The following FCSK variants were observed in gnomAD, a reference collection of about 807,000 sequenced individuals.
FCSK encodes the protein fucose kinase.
In FCSK, 123 loss-of-function variants were observed where a neutral mutation model predicts 122.5. The observed-to-expected ratio is 1.00, with a 90% confidence interval of 0.87 to 1.17. The LOEUF is 1.17. Among genes scored for constraint, FCSK ranks in the 50% most tolerant of loss-of-function variants. The probability of loss-of-function intolerance (pLI) is 0.00; values close to 1 mark genes in which losing one functional copy is unlikely to be tolerated. For missense variants in FCSK, 1,366 were observed against 1,450.4 expected, an observed-to-expected ratio of 0.94 and a Z score of 0.95; for synonymous variants, 620 against 625.5, an observed-to-expected ratio of 0.99 and a Z score of 0.13.
Position 70,478,592 on chromosome 16 carries a change from G to A in FCSK, c.2871G>A (p.Val957=). 2.5e-6 allele frequency: 4 copies of A among 1,613,764 alleles called. No individual in the cohort carries two copies. Among genetic ancestry groups the A allele is most frequent in the Non-Finnish European group, 2.5e-6 (3 of 1,180,012 alleles). ...GGTATGCCCGACTTCCTGCTGTGGT[G>A]CAGAATGCCCACAGCCTGGTACGGC... is the stretch of plus-strand genomic sequence containing the variant. ...RSWYARLPAV[V]QNAHSLVRQT... The change falls in exon 22 of 24, where the codon GTG becomes GTA. Residue 957 remains valine, a synonymous_variant. Coordinates refer to ENST00000288078, the MANE Select transcript of FCSK (RefSeq NM_145059.3).
intron 1 of FCSK, among the ~76,000 whole-genome samples, chr16:70,462,565 A>T (rs1390975596): frequency 6.6e-6 from 1 of 152,072 alleles, no homozygotes; most frequent in African/African-American, 2.4e-5. Flanking sequence ...ACCTCAGGTG[A>T]TCTGTCCACC....
chr16:70,463,273 G>A lies in FCSK; in HGVS notation c.82+1G>A. On this transcript the variant is annotated splice_donor_variant, in intron 2 of 23. Coordinates refer to ENST00000288078, the MANE Select transcript of FCSK (RefSeq NM_145059.3). LOFTEE classifies it high-confidence loss of function. ...GACAGTGTCCAGGTCTTTCAGAGAGGTAGGGGACTCCCCTTCCCACCTTGC... is the reference window on the plus strand; with the variant it reads ...GACAGTGTCCAGGTCTTTCAGAGAGATAGGGGACTCCCCTTCCCACCTTGC... 1 of 1,612,358 alleles carries A rather than the reference G, an allele frequency of 6.2e-7. No homozygotes were observed. Among genetic ancestry groups the A allele is most frequent in the Admixed American group, 1.7e-5 (1 of 59,924 alleles).
rs748424264 is a variant in FCSK, at chr16:70,479,599, C to T, written c.3174C>T (p.Ile1058=). 1 of 1,614,050 alleles carries T rather than the reference C, an allele frequency of 6.2e-7. No homozygotes were observed. The highest frequency in any genetic ancestry group is 8.5e-7 in the Non-Finnish European group (1 of 1,179,940). ...TCCAGGGCCTTGGGAATTACAGCAT[C>T]CACCTGGTTGAAGTGGACACTCAGG... ...AKTEGLGNYS[I]HLVEVDTQGL... The change falls in exon 24 of 24, where the codon ATC becomes ATT. Residue 1058 remains isoleucine (I), a synonymous_variant. Coordinates refer to ENST00000288078, the MANE Select transcript of FCSK (RefSeq NM_145059.3).
chr16:70,463,009 C>T lies in FCSK; in HGVS notation c.-22-160C>T, dbSNP rs140728282. 1.4e-4 allele frequency among the ~76,000 whole-genome samples: 22 copies of T among 152,158 alleles called. No individual in the cohort carries two copies. In the Middle Eastern group the frequency reaches 0.01, roughly 71 times the overall value. On this transcript the variant is annotated intron_variant, in intron 1 of 23. Coordinates refer to ENST00000288078, the MANE Select transcript of FCSK (RefSeq NM_145059.3). Reference sequence around the variant, plus strand: ...AAATCAGTGGTTGTCAGGGCGTAGGCGGGGAGGAGAGGTTGCATGAGGAAG... The same window carrying T: ...AAATCAGTGGTTGTCAGGGCGTAGGTGGGGAGGAGAGGTTGCATGAGGAAG...
At chr16:70,466,417 G>A (rs1473450274) in intron 5 of FCSK, 160 bp downstream of exon 5, 1 of 863,846 alleles carries the variant, frequency 1.2e-6, no homozygotes, top group Non-Finnish European at 1.7e-6. Context: ...TTGTGTCTGG[G>A]GGCAGTGGCT....
At chr16:70,475,845 A>T (rs2048794993) in intron 20 of FCSK, 78 bp downstream of exon 20, 1 of 1,402,792 alleles carries the variant, frequency 7.1e-7, no homozygotes, top group Non-Finnish European at 9.4e-7. Flanking sequence ...GCTCCCCTGG[A>T]TTTGCATGTG....
intron 1 of FCSK, among the ~76,000 whole-genome samples, chr16:70,459,654 G>A (rs960073632): frequency 7.0e-6 from 1 of 143,286 alleles, no homozygotes; most frequent in Non-Finnish European, 1.5e-5. Context: ...TCATTTCTCC[G>A]TCTTTTTTTT....
At chr16:70,463,316 C>T (rs977423312) in intron 2 of FCSK, 44 bp downstream of exon 2, 1 of 1,522,982 alleles carries the variant, frequency 6.6e-7, no homozygotes, top group South Asian at 1.1e-5. Flanking sequence ...GGAGAACCTC[C>T]CTCCCCTTCC....
At chr16:70,461,493 G>T (rs575261772) in intron 1 of FCSK, among the ~76,000 whole-genome samples, 1 of 152,194 alleles carries the variant, frequency 6.6e-6, no homozygotes, top group Admixed American at 6.5e-5. Flanking sequence ...CAAATCTTTG[G>T]CCTTGCTTTC....
At chr16:70,466,347 G>A in intron 5 of FCSK, 90 bp downstream of exon 5, 1 of 1,512,082 alleles carries the variant, frequency 6.6e-7, no homozygotes, top group Non-Finnish European at 9.0e-7. Flanking sequence ...TGCTGGCTCA[G>A]CTGGGAGAAG....
chr16:70,468,511 G>A (rs1313002458), intron 8 of FCSK, among the ~76,000 whole-genome samples: 2 of 152,214 alleles, frequency 1.3e-5, no homozygotes, highest in Non-Finnish European at 2.9e-5. Context: ...GCAAGTTAGG[G>A]AGTGCGGTTG....
rs1597648311 is a variant in FCSK at position 70,479,978 on chromosome 16, GA to G, written c.*301del. ...GCCTTCTCATTCCACAAGGGCCCTG[GA>G]AAGGGTTGACAGCCAGCCTTGGCAT... On this transcript the variant is annotated 3_prime_UTR_variant, in exon 24 of 24. Transcript: ENST00000288078. 7.4e-6 allele frequency: 2 copies of G among 271,138 alleles called. No individual in the cohort carries two copies. Among genetic ancestry groups the G allele is most frequent in the Non-Finnish European group, 1.4e-5 (2 of 141,854 alleles). The allele number at this position is 271,138 out of a possible 1,614,324, so 16.8% of individuals were successfully genotyped here.
In FCSK at chr16:70,469,226, C is replaced by G. The variant is rs1318641208; in HGVS notation, c.858C>G (p.Pro286=). The change falls in exon 10 of 24, where the codon CCC becomes CCG. Residue 286 remains proline (P), a synonymous_variant. Coordinates refer to ENST00000288078, the MANE Select transcript of FCSK (RefSeq NM_145059.3). ...VTREDFLVGR[P]PELGQGDADV... is the part of the protein sequence containing the mutation. Reference sequence around the variant, plus strand: ...GGGAGGACTTCCTGGTGGGGAGGCCCCCAGAGTTGGGGCAAGGCGATGCAG... The same window carrying G: ...GGGAGGACTTCCTGGTGGGGAGGCCGCCAGAGTTGGGGCAAGGCGATGCAG... 6.2e-7 allele frequency: 1 copy of G among 1,613,998 alleles called. No homozygotes were observed. Among genetic ancestry groups the G allele is most frequent in the African/African-American group, 1.3e-5 (1 of 74,934 alleles).
At chr16:70,476,616 T>A (rs1004202622) in intron 20 of FCSK, among the ~76,000 whole-genome samples, 2 of 151,808 alleles carry the variant, frequency 1.3e-5, no homozygotes, top group Non-Finnish European at 1.5e-5. Flanking sequence ...TGGTTTCAGG[T>A]CCACCTCAGG....
chr16:70,469,420 G>A, intron 10 of FCSK, 97 bp downstream of exon 10: 3 of 1,212,410 alleles, frequency 2.5e-6, no homozygotes, highest in East Asian at 2.4e-5. Context: ...AGGCAGCCCA[G>A]CACAGGGACT....
At chr16:70,455,627 C>T (rs1251320235) in intron 1 of FCSK, among the ~76,000 whole-genome samples, 3 of 151,244 alleles carry the variant, frequency 2.0e-5, no homozygotes, top group Non-Finnish European at 4.4e-5. Flanking sequence ...CGAGGTGGCT[C>T]ACGCCTGTAA....
chr16:70,463,233 AC>A lies in FCSK; in HGVS notation c.45del (p.Cys16AlafsTer56). On this transcript the variant is annotated frameshift_variant, in exon 2 of 24. Transcript: ENST00000288078. LOFTEE classifies it high-confidence loss of function. ...AGTTGATTGGACAGTCATCATCCTG[AC>A]CTGCCAGTACAAGGACAGTGTCCAG... ...KGVDWTVIIL[T>X]CQYKDSVQVF... 1 of 1,609,588 alleles carries A rather than the reference AC, an allele frequency of 6.2e-7. No individual in the cohort carries two copies. Among genetic ancestry groups the A allele is most frequent in the East Asian group, 2.2e-5 (1 of 44,448 alleles).
chr16:70,474,998 G>A lies in FCSK; in HGVS notation c.2364G>A (p.Gln788=). The change falls in exon 18 of 24, where the codon CAG becomes CAA. Residue 788 remains glutamine, a synonymous_variant. Transcript: ENST00000288078. The part of the protein sequence containing the change: ...RCLADLRDYC[Q]PHAPGALLKA... ...TGGCTGACCTGCGGGACTACTGCCA[G>A]CCTCATGCCCCAGGTCAGGCACCCT... 6.2e-7 allele frequency: 1 copy of A among 1,603,172 alleles called. No individual in the cohort carries two copies. The highest frequency in any genetic ancestry group is 8.5e-7 in the Non-Finnish European group (1 of 1,176,304).
In FCSK at chr16:70,474,981, C is replaced by G; in HGVS notation, c.2347C>G (p.Leu783Val). Residue 783 changes from leucine (L) to valine (V), a missense_variant, in exon 18 of 24, where the codon CTG (leucine) becomes GTG (valine). Transcript: ENST00000288078. ...VKIVCRCLAD[L>V]RDYCQPHAPG... ...GATAGTGTGCCGGTGCCTGGCTGAC[C>G]TGCGGGACTACTGCCAGCCTCATGC... is the stretch of plus-strand genomic sequence containing the variant. 2 of 1,608,404 alleles carry G rather than the reference C, an allele frequency of 1.2e-6. No homozygotes were observed. The highest frequency in any genetic ancestry group is 1.7e-6 in the Non-Finnish European group (2 of 1,178,182).
Sources: allele counts gnomAD v4.1 joint callset (sites outside exome capture counted in the v4.1 genomes callset), GRCh38; gene constraint gnomAD v4.1.1; transcripts MANE v1.5; gene names NCBI Gene and HGNC (gene_info 2026-07-23, HGNC 2026-07-21).